The following LRRC4C variants were observed in gnomAD, a reference collection of about 807,000 sequenced individuals.
The protein encoded by LRRC4C is leucine rich repeat containing 4C.
LRRC4C carries 5 observed loss-of-function variants against 33.6 expected under a neutral mutation model. That is an observed-to-expected ratio of 0.15 (90% confidence interval 0.08 to 0.31). LRRC4C has a LOEUF of 0.31. Among genes scored for constraint, LRRC4C ranks in the 10% least tolerant of loss-of-function variants. The pLI is 1.00. For missense variants in LRRC4C, 560 were observed against 796.7 expected (o/e 0.70, Z 3.58); for synonymous variants, 329 against 302.0 (o/e 1.09, Z -0.93).
At chr11:40,347,948 T>C (rs1410182428) in intron 3 of LRRC4C, among the ~76,000 whole-genome samples, 1 of 152,192 alleles carries the variant, frequency 6.6e-6, no homozygotes, top group Non-Finnish European at 1.5e-5. Context: ...GGTTGTTTAT[T>C]GGCCTAGTTT....
Position 40,206,508 on chromosome 11 carries a change from C to G in LRRC4C, c.-96+35011G>C, listed in dbSNP as rs1863166951. 2.0e-5 allele frequency among the ~76,000 whole-genome samples: 3 copies of G among 152,146 alleles called. No individual in the cohort carries two copies. The South Asian group carries it at 6.2e-4, about 32-fold the overall frequency. On this transcript the variant is annotated intron_variant, in intron 5 of 6. Coordinates refer to ENST00000528697, the MANE Select transcript of LRRC4C (RefSeq NM_001258419.2). ...CCACCTGCCTCGGCCTCCCAAAGTG[C>G]TGGGATTACAGGAGTGAGCCACCGC...
At chr11:40,967,751 TTC>T (rs551321105) in intron 1 of LRRC4C, among the ~76,000 whole-genome samples, 98 of 152,004 alleles carry the variant, frequency 6.4e-4, no homozygotes, top group African/African-American at 2.2e-3. Context: ...TATGCCATCT[TTC>T]TCTGTCTTCT....
At chr11:40,116,455 A>G in intron 6 of LRRC4C, 121 bp from the exon 7 acceptor site, 1 of 1,036,304 alleles carries the variant, frequency 9.6e-7, no homozygotes, top group Non-Finnish European at 1.4e-6. Context: ...CAAATTAAAA[A>G]CAAATCTAAT....
At chr11:40,519,224 G>C (rs1298868437) in intron 3 of LRRC4C, among the ~76,000 whole-genome samples, 1 of 151,852 alleles carries the variant, frequency 6.6e-6, no homozygotes, top group African/African-American at 2.4e-5. Flanking sequence ...ATGTACCCCA[G>C]AACTTAAAGT....
intron 3 of LRRC4C, among the ~76,000 whole-genome samples, chr11:40,544,760 A>AT (rs1474082907): frequency 2.0e-5 from 3 of 152,118 alleles, no homozygotes; most frequent in African/African-American, 7.2e-5. Flanking sequence ...ATTTCCATGT[A>AT]TGCACATATG....
chr11:41,454,753 C>T (rs931826262), intron 1 of LRRC4C, among the ~76,000 whole-genome samples: 13 of 152,118 alleles, frequency 8.5e-5, no homozygotes, highest in African/African-American at 2.7e-4. Flanking sequence ...ATACAGCTTT[C>T]AGAATATAGC....
intron 2 of LRRC4C, among the ~76,000 whole-genome samples, chr11:40,755,935 T>A (rs1012045874): frequency 6.6e-6 from 1 of 152,116 alleles, no homozygotes; most frequent in African/African-American, 2.4e-5. Context: ...TATTTAGCAA[T>A]ACGGCCTTTA....
chr11:40,750,023 C>G (rs958844533), intron 2 of LRRC4C, among the ~76,000 whole-genome samples: 1 of 152,078 alleles, frequency 6.6e-6, no homozygotes, highest in Non-Finnish European at 1.5e-5. Context: ...AGCACAGTGA[C>G]CAGCCTGGCC....
chr11:40,525,162 C>T (rs1955989724), intron 3 of LRRC4C, among the ~76,000 whole-genome samples: 1 of 151,912 alleles, frequency 6.6e-6, no homozygotes, highest in South Asian at 2.1e-4. Context: ...AAGAAAGGGG[C>T]TGGGCCGGGC....
intron 1 of LRRC4C, among the ~76,000 whole-genome samples, chr11:41,227,094 T>C (rs188639229): frequency 2.0e-5 from 3 of 152,036 alleles, no homozygotes; most frequent in Non-Finnish European, 2.9e-5. Context: ...GTCACCAGCA[T>C]GTGAAACAAA....
At chr11:40,132,319 G>T (rs533915073) in intron 6 of LRRC4C, among the ~76,000 whole-genome samples, 1 of 152,142 alleles carries the variant, frequency 6.6e-6, no homozygotes, top group Non-Finnish European at 1.5e-5. Flanking sequence ...ACAAATGCCC[G>T]TTGGGAAGGG....
intron 1 of LRRC4C, among the ~76,000 whole-genome samples, chr11:40,939,441 C>T (rs1265545877): frequency 6.6e-6 from 1 of 151,706 alleles, no homozygotes; most frequent in Non-Finnish European, 1.5e-5. Flanking sequence ...TCATTTTTTC[C>T]TCAGAAATCA....
chr11:40,434,221 C>A (rs1160258363), intron 3 of LRRC4C, among the ~76,000 whole-genome samples: 1 of 152,088 alleles, frequency 6.6e-6, no homozygotes, highest in Non-Finnish European at 1.5e-5. Flanking sequence ...TGGCAATGCA[C>A]TTAAAAATCT....
At chr11:40,628,760 T>G (rs2135999995) in intron 3 of LRRC4C, among the ~76,000 whole-genome samples, 1 of 152,304 alleles carries the variant, frequency 6.6e-6, no homozygotes, top group South Asian at 2.1e-4. Context: ...ATTGCCACTT[T>G]CCAGATTTTT....
chr11:41,437,093 C>G (rs548635397), intron 1 of LRRC4C, among the ~76,000 whole-genome samples: 1 of 152,222 alleles, frequency 6.6e-6, no homozygotes, highest in East Asian at 1.9e-4. Context: ...AACATAACAC[C>G]AAATACAAGC....
intron 1 of LRRC4C, among the ~76,000 whole-genome samples, chr11:41,267,654 T>G (rs1370563865): frequency 6.6e-6 from 1 of 152,128 alleles, no homozygotes; most frequent in Non-Finnish European, 1.5e-5. Flanking sequence ...TTTTTTGGCA[T>G]GGAAATGGTG....
intron 1 of LRRC4C, among the ~76,000 whole-genome samples, chr11:41,027,251 C>A (rs2137765260): frequency 6.6e-6 from 1 of 151,690 alleles, no homozygotes; most frequent in African/African-American, 2.4e-5. Context: ...ATAGCCGAAG[C>A]ATTGTCATAT....
At chr11:41,245,868 T>A (rs188808871) in intron 1 of LRRC4C, among the ~76,000 whole-genome samples, 3 of 152,332 alleles carry the variant, frequency 2.0e-5, no homozygotes, top group African/African-American at 7.2e-5. Flanking sequence ...GCAGCTCCTC[T>A]GCAGGCAGGT....
intron 3 of LRRC4C, among the ~76,000 whole-genome samples, chr11:40,559,400 C>G (rs11035919): frequency 0.024 from 3,697 of 152,034 alleles, 62 homozygotes; most frequent in South Asian, 0.033. Flanking sequence ...GCCCAGGCTG[C>G]TGTTGAATTC....
Sources: allele counts gnomAD v4.1 joint callset (sites outside exome capture counted in the v4.1 genomes callset), GRCh38; gene constraint gnomAD v4.1.1; transcripts MANE v1.5; gene names NCBI Gene and HGNC (gene_info 2026-07-23, HGNC 2026-07-21).